Variants in STXBP5L observed in about 807,000 individuals in gnomAD.
STXBP5L encodes the protein syntaxin-binding protein 5-like.
A neutral mutation model predicts 144.5 loss-of-function variants in STXBP5L; 65 were observed. The observed-to-expected ratio is 0.45, with a 90% CI of 0.37 to 0.55. The LOEUF is 0.55. STXBP5L is among the 20% of genes least tolerant of loss of function. STXBP5L has a pLI of 0.00. For missense variants in STXBP5L, 1,298 were observed against 1,405.5 expected, an observed-to-expected ratio of 0.92 and a Z score of 1.22; for synonymous variants, 505 against 469.6, an observed-to-expected ratio of 1.08 and a Z score of -0.97.
chr3:121,269,452 T>G (rs572873939), intron 18 of STXBP5L, among the ~76,000 whole-genome samples: 50 of 151,976 alleles, frequency 3.3e-4, no homozygotes, highest in South Asian at 6.2e-4. Context: ...TATATATATA[T>G]AGACAGAAAA....
chr3:121,224,193 G>A (rs953694311), intron 11 of STXBP5L, among the ~76,000 whole-genome samples: 3 of 152,124 alleles, frequency 2.0e-5, no homozygotes. Flanking sequence ...ATCGTTTGTA[G>A]AAAGAGAATA....
At chr3:121,103,002 T>G (rs566573242) in intron 5 of STXBP5L, among the ~76,000 whole-genome samples, 1 of 152,252 alleles carries the variant, frequency 6.6e-6, no homozygotes, top group East Asian at 1.9e-4. Flanking sequence ...CACAATGAGA[T>G]ATTATCTCCT....
chr3:121,178,824 C>G (rs2047031557), intron 9 of STXBP5L, among the ~76,000 whole-genome samples: 1 of 152,162 alleles, frequency 6.6e-6, no homozygotes, highest in Admixed American at 6.6e-5. Flanking sequence ...TACAGGCACC[C>G]TGAGGGAAGG....
chr3:121,355,119 A>AT (rs1253695930), intron 20 of STXBP5L, among the ~76,000 whole-genome samples: 1 of 151,868 alleles, frequency 6.6e-6, no homozygotes, highest in East Asian at 1.9e-4. Context: ...TGCCCTTAAC[A>AT]TTTTTTCCTT....
chr3:121,192,819 A>T (rs1221704402), intron 9 of STXBP5L, among the ~76,000 whole-genome samples: 1 of 152,202 alleles, frequency 6.6e-6, no homozygotes, highest in East Asian at 1.9e-4. Flanking sequence ...ACAAAAATTA[A>T]TTCAAGACGG....
chr3:121,019,212 A>T (rs1232460700), intron 3 of STXBP5L, among the ~76,000 whole-genome samples: 1 of 152,162 alleles, frequency 6.6e-6, no homozygotes, highest in Non-Finnish European at 1.5e-5. Flanking sequence ...CACAGGAGCC[A>T]CAGCAAGCCC....
At chr3:120,935,433 T>A (rs1272818935) in intron 2 of STXBP5L, among the ~76,000 whole-genome samples, 1 of 152,054 alleles carries the variant, frequency 6.6e-6, no homozygotes, top group African/African-American at 2.4e-5. Flanking sequence ...AAAAAGTTTT[T>A]TTTACCCTTA....
At chr3:120,988,557 C>G (rs909704737) in intron 3 of STXBP5L, among the ~76,000 whole-genome samples, 1 of 151,984 alleles carries the variant, frequency 6.6e-6, no homozygotes, top group Non-Finnish European at 1.5e-5. Context: ...TCTGTGAACT[C>G]TGGAGAAACA....
chr3:120,951,797 A>G (rs1711250282), intron 2 of STXBP5L, among the ~76,000 whole-genome samples: 1 of 152,178 alleles, frequency 6.6e-6, no homozygotes, highest in Non-Finnish European at 1.5e-5. Flanking sequence ...CAGCCATCCC[A>G]TTACGGGGTA....
chr3:121,295,539 A>G (rs1030899362), intron 19 of STXBP5L, among the ~76,000 whole-genome samples: 5 of 152,302 alleles, frequency 3.3e-5, no homozygotes, highest in African/African-American at 1.2e-4. Flanking sequence ...CTTTGAATTT[A>G]CAAAAATCAA....
chr3:120,946,569 GA>G, intron 2 of STXBP5L, among the ~76,000 whole-genome samples: 1 of 151,722 alleles, frequency 6.6e-6, no homozygotes, highest in Non-Finnish European at 1.5e-5. Flanking sequence ...GTATAGAAGG[GA>G]AAAATGCAGA....
intron 3 of STXBP5L, among the ~76,000 whole-genome samples, chr3:120,989,247 A>G (rs767811195): frequency 5.3e-5 from 8 of 152,118 alleles, no homozygotes; most frequent in African/African-American, 1.9e-4. Flanking sequence ...TTACATTCCA[A>G]CAAGCAATGT....
At chr3:121,416,653 G>A (rs375369985) in intron 25 of STXBP5L, among the ~76,000 whole-genome samples, 1 of 151,184 alleles carries the variant, frequency 6.6e-6, no homozygotes, top group East Asian at 2.0e-4. Context: ...GATTATAGGC[G>A]CCCACCATGC....
At chr3:120,978,123 A>C (rs1024049116) in intron 3 of STXBP5L, among the ~76,000 whole-genome samples, 4 of 152,180 alleles carry the variant, frequency 2.6e-5, no homozygotes, top group Non-Finnish European at 5.9e-5. Context: ...TCTCCTGGAT[A>C]ATATCCTGCA....
intron 3 of STXBP5L, 78 bp downstream of exon 3, chr3:120,955,115 T>C (rs1036516083): frequency 3.9e-6 from 4 of 1,019,254 alleles, no homozygotes; most frequent in African/African-American, 1.6e-5. Flanking sequence ...AAGATAAATA[T>C]TTATGACCAA....
chr3:121,132,117 T>C (rs1287486575), intron 7 of STXBP5L, among the ~76,000 whole-genome samples: 1 of 152,156 alleles, frequency 6.6e-6, no homozygotes, highest in African/African-American at 2.4e-5. Flanking sequence ...CACTGACAGC[T>C]CTGAAACAGC....
At chr3:121,232,253 C>T (rs2049333652) in intron 11 of STXBP5L, among the ~76,000 whole-genome samples, 1 of 152,164 alleles carries the variant, frequency 6.6e-6, no homozygotes, top group African/African-American at 2.4e-5. Flanking sequence ...GCCACGTGAA[C>T]ATACCCCCTT....
At position 120,967,640 on chromosome 3, in the gene STXBP5L, T is replaced by G. The variant is rs558842936; in HGVS notation, c.287+12603T>G. ...TTATTATTTCTTTCCTTCTACTAATTTTGGGTTTGAATTTTTCTTGCTTTC... is the reference window on the plus strand; with the variant it reads ...TTATTATTTCTTTCCTTCTACTAATGTTGGGTTTGAATTTTTCTTGCTTTC... On this transcript the variant is annotated intron_variant, in intron 3 of 26. Transcript: ENST00000471454. 2.0e-4 allele frequency among the ~76,000 whole-genome samples: 30 copies of G among 152,276 alleles called. No individual in the cohort carries two copies. In the South Asian group the frequency reaches 5.8e-3, roughly 29 times the overall value.
chr3:120,945,327 A>G, intron 2 of STXBP5L, among the ~76,000 whole-genome samples: 2 of 151,964 alleles, frequency 1.3e-5, no homozygotes, highest in East Asian at 3.9e-4. Flanking sequence ...TTTTAAATAA[A>G]ATAAATGTAT....
Sources: allele counts gnomAD v4.1 joint callset (sites outside exome capture counted in the v4.1 genomes callset), GRCh38; gene constraint gnomAD v4.1.1; transcripts MANE v1.5; gene names NCBI Gene and HGNC (gene_info 2026-07-23, HGNC 2026-07-21).